The following CCDC171 variants were observed in gnomAD, a reference collection of about 807,000 sequenced individuals.
The protein encoded by CCDC171 is coiled-coil domain-containing protein 171.
CCDC171 carries 177 observed loss-of-function variants against 168.2 expected under a neutral mutation model. The ratio of observed to expected loss-of-function variants is 1.05; its 90% CI spans 0.93 to 1.19. The LOEUF (loss-of-function observed/expected upper bound fraction) is 1.19. CCDC171 is among the 50% of genes most tolerant of loss of function. The probability of loss-of-function intolerance (pLI) is 0.00; values close to 1 mark genes in which losing one functional copy is unlikely to be tolerated. For synonymous variants in CCDC171, 687 were observed against 540.8 expected, an observed-to-expected ratio of 1.27 and a Z score of -3.75; for missense variants, 1,991 against 1,539.0, an observed-to-expected ratio of 1.29 and a Z score of -4.91.
At chr9:15,790,789 G>A (rs1588512894) in intron 21 of CCDC171, among the ~76,000 whole-genome samples, 1 of 152,158 alleles carries the variant, frequency 6.6e-6, no homozygotes, top group East Asian at 1.9e-4. Flanking sequence ...TGTAAGGAAG[G>A]GATCCAGTTT....
intron 11 of CCDC171, 81 bp downstream of exon 11, chr9:15,695,418 T>A (rs2051140027): frequency 1.0e-6 from 1 of 993,220 alleles, no homozygotes; most frequent in Admixed American, 1.7e-5. Context: ...CAGATGCCTC[T>A]TGTAGTCCCT....
intron 9 of CCDC171, among the ~76,000 whole-genome samples, chr9:15,678,259 C>T (rs1389444675): frequency 1.3e-5 from 2 of 151,922 alleles, no homozygotes; most frequent in Admixed American, 6.6e-5. Flanking sequence ...AAAAGAAATT[C>T]GTATGTCTTC....
chr9:16,034,466 A>AT (rs1345916128), intron 6 of CCDC171, among the ~76,000 whole-genome samples: 2 of 152,102 alleles, frequency 1.3e-5, no homozygotes, highest in Non-Finnish European at 2.9e-5. Flanking sequence ...GATCTCACAC[A>AT]TTTTTTCCAC....
At chr9:16,034,841 C>T (rs1833432977) in intron 6 of CCDC171, among the ~76,000 whole-genome samples, 1 of 152,152 alleles carries the variant, frequency 6.6e-6, no homozygotes, top group Non-Finnish European at 1.5e-5. Context: ...GTGGAGTCCT[C>T]CATTTGGTTT....
intron 7 of CCDC171, among the ~76,000 whole-genome samples, chr9:15,626,578 G>C (rs971880737): frequency 1.3e-5 from 2 of 152,134 alleles, no homozygotes; most frequent in African/African-American, 4.8e-5. Flanking sequence ...TAATCATGTG[G>C]TTTTTGTCTT....
chr9:15,931,836 A>C (rs1445957054), intron 25 of CCDC171, among the ~76,000 whole-genome samples: 1 of 151,706 alleles, frequency 6.6e-6, no homozygotes, highest in African/African-American at 2.4e-5. Flanking sequence ...ATTCTTTTAC[A>C]TGTGGATATT....
chr9:15,618,089 A>G (rs966651637), intron 6 of CCDC171, among the ~76,000 whole-genome samples: 2 of 152,204 alleles, frequency 1.3e-5, no homozygotes, highest in African/African-American at 2.4e-5. Flanking sequence ...GCTGACAGGT[A>G]GGAAAGATTT....
At chr9:15,558,261 T>C (rs1019123877) in intron 1 of CCDC171, among the ~76,000 whole-genome samples, 1 of 152,192 alleles carries the variant, frequency 6.6e-6, no homozygotes. Flanking sequence ...TAAAATGAAT[T>C]AGGGAGGATT....
intron 7 of CCDC171, among the ~76,000 whole-genome samples, chr9:15,633,293 C>T (rs1260061662): frequency 3.9e-5 from 6 of 152,164 alleles, no homozygotes; most frequent in Admixed American, 2.0e-4. Context: ...GGCTAATATC[C>T]AGAATCTACA....
intron 3 of CCDC171, among the ~76,000 whole-genome samples, chr9:15,983,813 A>AGTGT (rs1491447704): frequency 2.3e-5 from 1 of 43,382 alleles, no homozygotes; most frequent in Non-Finnish European, 4.2e-5. Flanking sequence ...AGCTAAATAA[A>AGTGT]GAGAGTGTGT....
intron 7 of CCDC171, among the ~76,000 whole-genome samples, chr9:15,625,707 T>G (rs1335497743): frequency 1.3e-5 from 2 of 152,230 alleles, no homozygotes; most frequent in Admixed American, 6.5e-5. Context: ...CTATGCTGTT[T>G]TGGTTACTGT....
intron 3 of CCDC171, among the ~76,000 whole-genome samples, chr9:16,000,187 A>C (rs1035058207): frequency 6.6e-6 from 1 of 152,196 alleles, no homozygotes; most frequent in South Asian, 2.1e-4. Context: ...GTGAAATCCA[A>C]AACATGCACA....
intron 22 of CCDC171, 41 bp from the exon 23 acceptor site, chr9:15,848,852 G>A: frequency 8.6e-7 from 1 of 1,167,968 alleles, no homozygotes; most frequent in Non-Finnish European, 1.3e-6. Context: ...GTTGTAGTAA[G>A]GTTTGAGTTT....
the CCDC171 span, among the ~76,000 whole-genome samples, chr9:16,078,508 T>C: frequency 6.6e-6 from 1 of 152,214 alleles, no homozygotes; most frequent in East Asian, 1.9e-4. Flanking sequence ...GGAAGTCCAC[T>C]TGGCCTCTGC....
rs912544454 is a variant in CCDC171, at chr9:15,619,322, T to C, written c.676-3945T>C. Among the ~76,000 whole-genome samples the C allele has an allele frequency of 1.6e-4, 25 of 152,230 alleles. No homozygotes were observed. In the East Asian group the frequency reaches 3.7e-3, roughly 22 times the overall value. ...ATGTCTTTAGTGCCGAACAGCCAAGTTGTGAATGCAAAGGAAAAGTTCTTG... is the reference window on the plus strand; with the variant it reads ...ATGTCTTTAGTGCCGAACAGCCAAGCTGTGAATGCAAAGGAAAAGTTCTTG... On this transcript the variant is annotated intron_variant, in intron 6 of 25. Coordinates refer to ENST00000380701, the MANE Select transcript of CCDC171 (RefSeq NM_173550.4).
intron 21 of CCDC171, among the ~76,000 whole-genome samples, chr9:15,803,751 T>A (rs1490951221): frequency 7.0e-5 from 3 of 42,596 alleles, no homozygotes; most frequent in Non-Finnish European, 1.7e-4. Context: ...CTATTTGGGC[T>A]TTTTTTTGGT....
intron 25 of CCDC171, among the ~76,000 whole-genome samples, chr9:15,930,330 T>TG (rs1308693994): frequency 4.6e-5 from 7 of 151,582 alleles, no homozygotes; most frequent in African/African-American, 1.7e-4. Flanking sequence ...ATTTACATAT[T>TG]CTATATATGG....
chr9:15,907,200 G>C (rs1822802445), intron 24 of CCDC171, among the ~76,000 whole-genome samples: 2 of 152,158 alleles, frequency 1.3e-5, no homozygotes, highest in African/African-American at 4.8e-5. Flanking sequence ...ACATTGCCAA[G>C]TCAATCCCAA....
downstream of CCDC171, among the ~76,000 whole-genome samples, chr9:15,977,025 AC>A (rs1285534790): frequency 6.6e-6 from 1 of 152,020 alleles, no homozygotes; most frequent in African/African-American, 2.4e-5. Flanking sequence ...TCTGTAAGAA[AC>A]CCCTCCATTC....
Sources: allele counts gnomAD v4.1 joint callset (sites outside exome capture counted in the v4.1 genomes callset), GRCh38; gene constraint gnomAD v4.1.1; transcripts MANE v1.5; gene names NCBI Gene and HGNC (gene_info 2026-07-23, HGNC 2026-07-21).